Variants in H6PD observed in about 807,000 individuals in gnomAD.
H6PD encodes GDH/6PGL endoplasmic bifunctional protein.
In H6PD, 48 loss-of-function variants were observed where a neutral mutation model predicts 61.2. That is an observed-to-expected ratio of 0.78 (90% confidence interval 0.62 to 1.00). The LOEUF (loss-of-function observed/expected upper bound fraction) is 1.00, where lower values mean the gene tolerates loss of function less well. Among genes scored for constraint, H6PD ranks in the 50% least tolerant of loss-of-function variants. H6PD has a pLI of 0.00. For missense variants in H6PD, 1,093 were observed against 1,065.0 expected (o/e 1.03, Z -0.37); for synonymous variants, 480 against 457.9 (o/e 1.05, Z -0.62).
At position 9,234,835 on chromosome 1, in the gene H6PD, CG is replaced by C. The variant is rs1266432805; in HGVS notation, c.-239del. Reference sequence around the variant, plus strand: ...CTGAGGCCTGGGGCGGGGTGGCGGCCGGGCTGGCCTTGGCCTCGCGCCTTCC... The same window carrying C: ...CTGAGGCCTGGGGCGGGGTGGCGGCCGGCTGGCCTTGGCCTCGCGCCTTCC... On this transcript the variant is annotated 5_prime_UTR_variant, in exon 1 of 5. Transcript: ENST00000377403. The C allele has an allele frequency of 6.8e-6, 1 of 147,314 alleles. No individual in the cohort carries two copies. The highest frequency in any genetic ancestry group is 2.4e-5 in the African/African-American group (1 of 40,848). The allele number at this position is 147,314 out of a possible 1,614,324, so 9.1% of individuals were successfully genotyped here. A position where few individuals can be genotyped will look rare whatever the true frequency, so the allele number is the denominator to read the frequency against.
At chr1:9,244,893 T>G (rs1557737145) in intron 1 of H6PD, 32 bp from the exon 2 acceptor site, 1 of 1,608,606 alleles carries the variant, frequency 6.2e-7, no homozygotes, top group East Asian at 2.2e-5. Context: ...TGATCCTTCC[T>G]TGTTCCTCGT....
intron 1 of H6PD, among the ~76,000 whole-genome samples, chr1:9,243,288 G>A (rs990548770): frequency 6.6e-6 from 1 of 152,200 alleles, no homozygotes; most frequent in African/African-American, 2.4e-5. Context: ...GGCTGGTTCT[G>A]TGGGGACTTT....
chr1:9,256,159 A>G (rs1428863541), intron 3 of H6PD, among the ~76,000 whole-genome samples: 2 of 152,210 alleles, frequency 1.3e-5, no homozygotes, highest in African/African-American at 4.8e-5. Context: ...GGACTGATCC[A>G]CAAACATTGC....
intron 1 of H6PD, among the ~76,000 whole-genome samples, chr1:9,240,409 G>A (rs1570077661): frequency 6.6e-6 from 1 of 152,162 alleles, no homozygotes; most frequent in South Asian, 2.1e-4. Context: ...GTGGAGGGCA[G>A]TTCCCGGATA....
chr1:9,244,928 CCCAGGCAT>C lies in H6PD; in HGVS notation c.-6_2del, dbSNP rs1557737178. On this transcript the variant is annotated start_lost and 5_prime_UTR_variant, in exon 2 of 5. Coordinates refer to ENST00000377403, the MANE Select transcript of H6PD (RefSeq NM_004285.4). Reference sequence around the variant, plus strand: ...TCTGTCTCTCTTTGCACCCCAGGCACCCAGGCATGTGGAATATGCTCATAGTGGCGATG... The same window carrying C: ...TCTGTCTCTCTTTGCACCCCAGGCACGTGGAATATGCTCATAGTGGCGATG... The C allele has an allele frequency of 6.5e-7, 1 of 1,544,264 alleles. No individual in the cohort carries two copies. Among genetic ancestry groups the C allele is most frequent in the Non-Finnish European group, 8.8e-7 (1 of 1,131,886 alleles).
At chr1:9,259,811 G>A (rs28665681) in intron 3 of H6PD, among the ~76,000 whole-genome samples, 12 of 137,256 alleles carry the variant, frequency 8.7e-5, no homozygotes, top group African/African-American at 2.5e-4. Context: ...CTGTTGTTAC[G>A]GTGGTGTTAT....
intron 4 of H6PD, among the ~76,000 whole-genome samples, chr1:9,263,274 G>T (rs1024002992): frequency 1.6e-4 from 25 of 152,138 alleles, no homozygotes; most frequent in East Asian, 3.9e-4. Context: ...TCTAAGAGGG[G>T]CCTCAATGAA....
chr1:9,270,947 C>CTTTTTTTTTTTTTTTTTTTTT lies in H6PD; in HGVS notation c.*6090_*6091insTTTTTTTTTTTTTTTTTTTTT, dbSNP rs5772361. ...TGATGAGGCACATTCAGAACAAATGCTTTTTTTTTTTTGAGACAGAGTCTC... is the reference window on the plus strand; with the variant it reads ...TGATGAGGCACATTCAGAACAAATGCTTTTTTTTTTTTTTTTTTTTTTTTTTTTTTTTTGAGACAGAGTCTC... On this transcript the variant is annotated 3_prime_UTR_variant, in exon 5 of 5. Coordinates refer to ENST00000377403, the MANE Select transcript of H6PD (RefSeq NM_004285.4). 2.1e-5 allele frequency: 3 copies of CTTTTTTTTTTTTTTTTTTTTT among 140,112 alleles called. No individual in the cohort carries two copies. The highest frequency in any genetic ancestry group is 7.1e-5 in the Admixed American group (1 of 14,026). 8.7% of individuals were successfully genotyped at this position (140,112 alleles called of 1,614,324 possible). A position where few individuals can be genotyped will look rare whatever the true frequency, so the allele number is the denominator to read the frequency against.
chr1:9,240,678 A>G (rs1336479148), intron 1 of H6PD, among the ~76,000 whole-genome samples: 1 of 152,148 alleles, frequency 6.6e-6, no homozygotes, highest in Non-Finnish European at 1.5e-5. Flanking sequence ...TGATTTGTTA[A>G]TTTTTTGAGC....
Position 9,269,989 on chromosome 1 carries a change from G to A in H6PD, c.*5120G>A, listed in dbSNP as rs1638697342. On this transcript the variant is annotated 3_prime_UTR_variant, in exon 5 of 5. Transcript: ENST00000377403. The surrounding 1 kb of genome is among the most constrained non-coding windows in gnomAD (Gnocchi z 4.3). ...TCATCAGCACAAGACGGGATGGCAAGGGCTTTCAGACGCATTTCCAAGAGT... is the reference window on the plus strand; with the variant it reads ...TCATCAGCACAAGACGGGATGGCAAAGGCTTTCAGACGCATTTCCAAGAGT... 6.6e-6 allele frequency: 1 copy of A among 152,648 alleles called. No individual in the cohort carries two copies. Among genetic ancestry groups the A allele is most frequent in the Admixed American group, 6.5e-5 (1 of 15,280 alleles). The allele number at this position is 152,648 out of a possible 1,614,324, so 9.5% of individuals were successfully genotyped here. A position where few individuals can be genotyped will look rare whatever the true frequency, so the allele number is the denominator to read the frequency against.
chr1:9,263,410 C>A, intron 4 of H6PD, 99 bp from the exon 5 acceptor site: 3 of 1,167,686 alleles, frequency 2.6e-6, no homozygotes, highest in Non-Finnish European at 3.8e-6. Flanking sequence ...TTCCCTGAGG[C>A]AGGGGGACGC....
Position 9,254,767 on chromosome 1 carries a change from C to T in H6PD, c.746-7292C>T, listed in dbSNP as rs952354262. Among the ~76,000 whole-genome samples the T allele has an allele frequency of 1.3e-5, 2 of 152,200 alleles. No individual in the cohort carries two copies. The highest frequency in any genetic ancestry group is 2.9e-5 in the Non-Finnish European group (2 of 68,046). On this transcript the variant is annotated intron_variant, in intron 3 of 4. Coordinates refer to ENST00000377403, the MANE Select transcript of H6PD (RefSeq NM_004285.4). The surrounding 1 kb of genome is among the most constrained non-coding windows in gnomAD (Gnocchi z 4.6). ...TAAGGTGGACAGGCCAGTGAGCTTTCGTGTATTCACAGAGTTGTGTGTCAG... is the reference window on the plus strand; with the variant it reads ...TAAGGTGGACAGGCCAGTGAGCTTTTGTGTATTCACAGAGTTGTGTGTCAG...
intron 3 of H6PD, among the ~76,000 whole-genome samples, chr1:9,248,220 C>T (rs1261334863): frequency 6.6e-6 from 1 of 152,270 alleles, no homozygotes; most frequent in Non-Finnish European, 1.5e-5. Context: ...GGGCAGGGCC[C>T]AGAGCCCTGG....
At chr1:9,243,140 C>T (rs1570083444) in intron 1 of H6PD, among the ~76,000 whole-genome samples, 1 of 151,678 alleles carries the variant, frequency 6.6e-6, no homozygotes, top group African/African-American at 2.4e-5. Flanking sequence ...TGGGTTGGTC[C>T]CTCACTAGGA....
chr1:9,255,322 C>T (rs1280421119), intron 3 of H6PD, among the ~76,000 whole-genome samples: 6 of 152,060 alleles, frequency 3.9e-5, no homozygotes, highest in Non-Finnish European at 8.8e-5. Flanking sequence ...TTATCTGTCG[C>T]CCTGGCTGGA....
At chr1:9,247,133 T>C (rs1201445663) in intron 3 of H6PD, 50 bp downstream of exon 3, 3 of 1,227,936 alleles carry the variant, frequency 2.4e-6, no homozygotes, top group East Asian at 4.7e-5. Flanking sequence ...GCCTGCCCGC[T>C]GTCTGCGGTG....
At position 9,250,451 on chromosome 1, in the gene H6PD, C is replaced by T. The variant is rs569894644; in HGVS notation, c.745+3368C>T. Reference sequence around the variant, plus strand: ...CACCGCAGGCCATTCTCCCCCACTCCCCACCCTACACACACCGCAGGCCAT... The same window carrying T: ...CACCGCAGGCCATTCTCCCCCACTCTCCACCCTACACACACCGCAGGCCAT... On this transcript the variant is annotated intron_variant, in intron 3 of 4. Coordinates refer to ENST00000377403, the MANE Select transcript of H6PD (RefSeq NM_004285.4). 1.1e-3 allele frequency among the ~76,000 whole-genome samples: 160 copies of T among 146,064 alleles called. 1 individual carries two copies. The highest frequency in any genetic ancestry group is 3.8e-3 in the African/African-American group (148 of 38,874).
At chr1:9,256,511 G>A (rs1641523491) in intron 3 of H6PD, among the ~76,000 whole-genome samples, 1 of 152,140 alleles carries the variant, frequency 6.6e-6, no homozygotes, top group South Asian at 2.1e-4. Context: ...CCATGACCTG[G>A]ACATGCTTGC....
chr1:9,270,875 A>T lies in H6PD; in HGVS notation c.*6006A>T, dbSNP rs1031999138. ...GCTTTTTTCCAGAGAGGGGAACCCCACTGGTTTTTGTGGAAACAATGGAAA... is the reference window on the plus strand; with the variant it reads ...GCTTTTTTCCAGAGAGGGGAACCCCTCTGGTTTTTGTGGAAACAATGGAAA... On this transcript the variant is annotated 3_prime_UTR_variant, in exon 5 of 5. Coordinates refer to ENST00000377403, the MANE Select transcript of H6PD (RefSeq NM_004285.4). 1 of 152,010 alleles carries T rather than the reference A, an allele frequency of 6.6e-6. No homozygotes were observed. Among genetic ancestry groups the T allele is most frequent in the Admixed American group, 6.6e-5 (1 of 15,266 alleles). The allele number at this position is 152,010 out of a possible 1,614,324, so 9.4% of individuals were successfully genotyped here.
Sources: allele counts gnomAD v4.1 joint callset (sites outside exome capture counted in the v4.1 genomes callset), GRCh38; gene constraint gnomAD v4.1.1; non-coding constraint Gnocchi (gnomAD v3.1); transcripts MANE v1.5; gene names NCBI Gene and HGNC (gene_info 2026-07-23, HGNC 2026-07-21).